RLN2: variants seen among roughly 807,000 people sequenced by gnomAD.
RLN2 encodes prorelaxin H2.
Under a neutral mutation model 7.3 loss-of-function variants are expected in RLN2, and 10 were observed. The observed-to-expected ratio is 1.36, with a 90% CI of 0.84 to 2.31. RLN2 has a LOEUF of 2.31. Ranked by LOEUF, RLN2 falls within the 30% of genes most tolerant of loss-of-function variation. The pLI is 0.00. For missense variants in RLN2, 298 were observed against 217.6 expected, an observed-to-expected ratio of 1.37 and a Z score of -2.32; for synonymous variants, 103 against 82.3, an observed-to-expected ratio of 1.25 and a Z score of -1.36.
At chr9:5,332,353 CAAT>C in the RLN2 span, among the ~76,000 whole-genome samples, 1 of 151,788 alleles carries the variant, frequency 6.6e-6, no homozygotes, top group Non-Finnish European at 1.5e-5. Flanking sequence ...AAAATCTAAT[CAAT>C]AAAAGATTTT....
At chr9:5,325,615 A>C in the RLN2 span, among the ~76,000 whole-genome samples, 4 of 152,050 alleles carry the variant, frequency 2.6e-5, no homozygotes, top group Non-Finnish European at 4.4e-5. Context: ...CTTGGTCTCA[A>C]AAAAATATCT....
chr9:5,318,318 T>C, the RLN2 span, among the ~76,000 whole-genome samples: 3 of 151,976 alleles, frequency 2.0e-5, no homozygotes, highest in East Asian at 5.8e-4. Flanking sequence ...TAACAAGAAA[T>C]AGCTGGTTGG....
chr9:5,333,270 C>T, the RLN2 span, among the ~76,000 whole-genome samples: 2 of 151,992 alleles, frequency 1.3e-5, no homozygotes, highest in African/African-American at 4.8e-5. Flanking sequence ...GGTTCCGCCT[C>T]ATCCTACAAC....
At chr9:5,336,535 T>C in the RLN2 span, among the ~76,000 whole-genome samples, 1 of 152,114 alleles carries the variant, frequency 6.6e-6, no homozygotes, top group Non-Finnish European at 1.5e-5. Flanking sequence ...TGTTTTTGTG[T>C]CTCTGGCACT....
At chr9:5,337,377 C>A in the RLN2 span, among the ~76,000 whole-genome samples, 1 of 151,998 alleles carries the variant, frequency 6.6e-6, no homozygotes, top group Non-Finnish European at 1.5e-5. Flanking sequence ...TGAAATATTT[C>A]ATAATCCATA....
At chr9:5,330,542 G>A in the RLN2 span, among the ~76,000 whole-genome samples, 1 of 149,824 alleles carries the variant, frequency 6.7e-6, no homozygotes, top group South Asian at 2.1e-4. Flanking sequence ...GGAGGCTGAG[G>A]CAGGAGAACG....
the RLN2 span, among the ~76,000 whole-genome samples, chr9:5,336,596 T>C: frequency 6.6e-6 from 1 of 152,092 alleles, no homozygotes; most frequent in South Asian, 2.1e-4. Flanking sequence ...GTCAAAAAAC[T>C]TACAGTGAGC....
the RLN2 span, among the ~76,000 whole-genome samples, chr9:5,316,343 A>G: frequency 4.6e-5 from 7 of 151,736 alleles, no homozygotes; most frequent in Admixed American, 1.3e-4. Flanking sequence ...TTCTGAATGT[A>G]CAGGTTTGTT....
At chr9:5,300,994 T>A (rs1490801757) in intron 1 of RLN2, among the ~76,000 whole-genome samples, 1 of 152,126 alleles carries the variant, frequency 6.6e-6, no homozygotes, top group Non-Finnish European at 1.5e-5. Context: ...GAGAAAGAAG[T>A]CTCTGATGTT....
chr9:5,328,415 A>C, the RLN2 span, among the ~76,000 whole-genome samples: 1 of 152,232 alleles, frequency 6.6e-6, no homozygotes, highest in East Asian at 1.9e-4. Flanking sequence ...GACTATGTGA[A>C]AAGAACAAAT....
At chr9:5,311,458 A>G in the RLN2 span, 1 of 615,240 alleles carries the variant, frequency 1.6e-6, no homozygotes, top group African/African-American at 1.9e-5. Context: ...CCCAAGAGAA[A>G]GGCTGAAGGG....
chr9:5,305,350 G>A (rs1383240386), upstream of RLN2, among the ~76,000 whole-genome samples: 6 of 137,802 alleles, frequency 4.4e-5, no homozygotes, highest in Non-Finnish European at 7.7e-5. Context: ...CTGGAGACTG[G>A]AGAACATACC....
the RLN2 span, chr9:5,335,239 A>G: frequency 1.3e-6 from 2 of 1,538,326 alleles, no homozygotes; most frequent in Non-Finnish European, 8.8e-7. Flanking sequence ...GATGTGCACA[A>G]TTAGCTTCAT....
the RLN2 span, among the ~76,000 whole-genome samples, chr9:5,323,351 C>G: frequency 1.3e-5 from 2 of 151,962 alleles, no homozygotes; most frequent in African/African-American, 2.4e-5. Flanking sequence ...AAAGGGTACA[C>G]AGAAGCAATT....
chr9:5,322,743 T>C, the RLN2 span, among the ~76,000 whole-genome samples: 1 of 152,174 alleles, frequency 6.6e-6, no homozygotes, highest in South Asian at 2.1e-4. Context: ...ATATCTGAGA[T>C]ACCTCATTTT....
chr9:5,320,409 C>A, the RLN2 span, among the ~76,000 whole-genome samples: 1 of 151,960 alleles, frequency 6.6e-6, no homozygotes, highest in Admixed American at 6.6e-5. Context: ...GCCACTCTGT[C>A]GCCTAGGCTG....
At chr9:5,326,239 T>C in the RLN2 span, among the ~76,000 whole-genome samples, 7 of 152,082 alleles carry the variant, frequency 4.6e-5, no homozygotes, top group Non-Finnish European at 1.0e-4. Flanking sequence ...TTTGTTTGAG[T>C]AGTGTCAATG....
the RLN2 span, among the ~76,000 whole-genome samples, chr9:5,321,993 T>C: frequency 1.3e-5 from 2 of 152,012 alleles, no homozygotes; most frequent in African/African-American, 2.4e-5. Context: ...CAGGAAGGTA[T>C]AGAATTTGAA....
At chr9:5,335,736 C>G in the RLN2 span, 1 of 623,016 alleles carries the variant, frequency 1.6e-6, no homozygotes, top group African/African-American at 1.8e-5. Flanking sequence ...CAAAAGCATC[C>G]TAATATCTAA....
Sources: allele counts gnomAD v4.1 joint callset (sites outside exome capture counted in the v4.1 genomes callset), GRCh38; gene constraint gnomAD v4.1.1; transcripts MANE v1.5; gene names NCBI Gene and HGNC (gene_info 2026-07-23, HGNC 2026-07-21).